Variants in ASAH2 observed in about 807,000 individuals in gnomAD.
The protein encoded by ASAH2 is N-acylsphingosine amidohydrolase 2, also known as neutral ceramidase.
Under a neutral mutation model 82.9 loss-of-function variants are expected in ASAH2, and 58 were observed. That is an observed-to-expected ratio of 0.70 (90% CI 0.57 to 0.87). ASAH2 has a LOEUF of 0.87. Among genes scored for constraint, ASAH2 ranks in the 40% least tolerant of loss-of-function variants. The pLI, the probability that ASAH2 is intolerant of heterozygous loss-of-function variation, is 0.00. For synonymous variants in ASAH2, 276 were observed against 289.7 expected, an observed-to-expected ratio of 0.95 and a Z score of 0.48; for missense variants, 779 against 834.0, an observed-to-expected ratio of 0.93 and a Z score of 0.81.
At chr10:50,239,828 ATTTTT>A (rs1208518684) in intron 4 of ASAH2, among the ~76,000 whole-genome samples, 4 of 120,644 alleles carry the variant, frequency 3.3e-5, no homozygotes, top group Non-Finnish European at 5.0e-5. Flanking sequence ...CTCACATTTA[ATTTTT>A]TTTTTTTTTT....
chr10:50,243,365 G>C lies in ASAH2; in HGVS notation c.361-14C>G, dbSNP rs1846359165. ...GCCATAGCCCATCTAAAGAGGAAGA[G>C]ACAATCAGAGCTGCTCTGTCTCATT... is the stretch of plus-strand genomic sequence containing the variant. On this transcript the variant is annotated splice_polypyrimidine_tract_variant and intron_variant, in intron 3 of 20. Coordinates refer to ENST00000682911, the MANE Select transcript of ASAH2 (RefSeq NM_019893.4). The C allele has an allele frequency of 1.2e-6, 2 of 1,613,596 alleles. No homozygotes were observed. Among genetic ancestry groups the C allele is most frequent in the Non-Finnish European group, 1.7e-6 (2 of 1,179,712 alleles).
rs61735431 is a variant in ASAH2 at position 50,202,868 on chromosome 10, G to A, written c.1722C>T (p.Asn574=). Residue 574 remains asparagine (N), a synonymous_variant, in exon 16 of 21, where the codon AAC becomes AAT. Coordinates refer to ENST00000682911, the MANE Select transcript of ASAH2 (RefSeq NM_019893.4). ...AAGTGGTAATGTAATGTGTATAGAC[G>A]TTGCATAGACCTGAAATAACAACAG... ...NMTVVISGLC[N]VYTHYITTYE... 1.4e-3 allele frequency: 2,261 copies of A among 1,611,720 alleles called. 32 individuals are homozygous for A. In the African/African-American group the frequency reaches 0.027, roughly 19 times the overall value.
intron 16 of ASAH2, 132 bp from the exon 17 acceptor site, chr10:50,199,278 G>T: frequency 2.3e-6 from 2 of 884,598 alleles, no homozygotes; most frequent in Non-Finnish European, 3.7e-6. Flanking sequence ...TCAAGATTAT[G>T]TATGACAAAA....
chr10:50,234,309 G>T, intron 6 of ASAH2, 116 bp downstream of exon 6: 4 of 1,406,824 alleles, frequency 2.8e-6, no homozygotes, highest in Non-Finnish European at 4.0e-6. Context: ...AGATATCATA[G>T]CTGTAATACT....
At chr10:50,241,357 T>A (rs1260972831) in intron 4 of ASAH2, among the ~76,000 whole-genome samples, 2 of 152,228 alleles carry the variant, frequency 1.3e-5, no homozygotes, top group African/African-American at 2.4e-5. Context: ...TGGTTAATTA[T>A]AGCTAACTGT....
chr10:50,206,016 T>C lies in ASAH2; in HGVS notation c.1496A>G (p.His499Arg), dbSNP rs1421096273. The change falls in exon 13 of 21, where the codon CAT becomes CGT. Residue 499 changes from histidine (H) to arginine (R), a missense_variant. By Grantham distance (29) the His-to-Arg change is conservative. Transcript: ENST00000682911. ...GKPSEEIKECHKPKPILLHTG... is the reference protein window; with the variant it reads ...GKPSEEIKECRKPKPILLHTG... ...GTGAAGAAGGATGGGCTTTGGTTTATGACATTCTTTAATTTCTTCAGATGG... is the reference window on the plus strand; with the variant it reads ...GTGAAGAAGGATGGGCTTTGGTTTACGACATTCTTTAATTTCTTCAGATGG... 1.7e-5 allele frequency: 27 copies of C among 1,612,596 alleles called. No individual in the cohort carries two copies. The South Asian group carries it at 2.2e-4, about 13-fold the overall frequency.
At chr10:50,211,338 G>A (rs1475813480) in intron 10 of ASAH2, among the ~76,000 whole-genome samples, 2 of 152,090 alleles carry the variant, frequency 1.3e-5, no homozygotes, top group Non-Finnish European at 2.9e-5. Context: ...TGAAGTCTCC[G>A]AGGCTGTTGA....
chr10:50,248,353 A>T, intron 2 of ASAH2, 131 bp downstream of exon 2: 1 of 1,117,198 alleles, frequency 9.0e-7, no homozygotes, highest in Non-Finnish European at 1.3e-6. Context: ...GCAAAGGGAG[A>T]CGGCTATTCC....
At position 50,211,059 on chromosome 10, in the gene ASAH2, C is replaced by A; in HGVS notation, c.1303G>T (p.Val435Leu). The A allele has an allele frequency of 6.2e-7, 1 of 1,613,630 alleles. No homozygotes were observed. Among genetic ancestry groups the A allele is most frequent in the Non-Finnish European group, 8.5e-7 (1 of 1,179,608 alleles). Reference sequence around the variant, plus strand: ...TGTGTGGAATTGAGCCAGACAGTCACATCTGTCATATCCACCCACTGGTGT... The same window carrying A: ...TGTGTGGAATTGAGCCAGACAGTCAAATCTGTCATATCCACCCACTGGTGT... The part of the protein sequence containing the change: ...SAHQWVDMTD[V>L]TVWLNSTHAS... Residue 435 changes from valine to leucine, a missense_variant, in exon 11 of 21, where the codon GTG becomes TTG. Around this residue, in one of 3 missense-constraint regions of ASAH2, gnomAD observed 759 missense variants for 755.2 expected, o/e 1.00. Coordinates refer to ENST00000682911, the MANE Select transcript of ASAH2 (RefSeq NM_019893.4).
chr10:50,234,522 G>T lies in ASAH2; in HGVS notation c.718C>A (p.Pro240Thr). The T allele has an allele frequency of 6.2e-7, 1 of 1,612,870 alleles. No individual in the cohort carries two copies. The highest frequency in any genetic ancestry group is 1.3e-5 in the African/African-American group (1 of 74,908). Residue 240 changes from proline to threonine, a missense_variant, in exon 6 of 21, where the codon CCA (proline) becomes ACA (threonine). Pro to Thr is a conservative substitution (Grantham distance 38). This residue lies in a region of ASAH2 where 759 missense variants were observed against 755.2 expected (regional missense o/e 1.00). Coordinates refer to ENST00000682911, the MANE Select transcript of ASAH2 (RefSeq NM_019893.4). ...SIDIAHTNMK[P>T]GKIFINKGNV... Reference sequence around the variant, plus strand: ...CCTTTATTGATGAAGATTTTGCCTGGTTTCATATTTGTGTGTGCTATGTCA... The same window carrying T: ...CCTTTATTGATGAAGATTTTGCCTGTTTTCATATTTGTGTGTGCTATGTCA...
At chr10:50,225,488 C>T (rs1485132799) in intron 7 of ASAH2, among the ~76,000 whole-genome samples, 4 of 152,080 alleles carry the variant, frequency 2.6e-5, no homozygotes, top group African/African-American at 9.7e-5. Flanking sequence ...CAGGAAATGG[C>T]CAATAGACTA....
chr10:50,245,442 T>C lies in ASAH2; in HGVS notation c.140A>G (p.His47Arg). The change falls in exon 3 of 21, where the codon CAT becomes CGT. Residue 47 changes from histidine to arginine, a missense_variant. By Grantham distance (29) the His-to-Arg change is conservative. This residue lies in a region of ASAH2 where 759 missense variants were observed against 755.2 expected (regional missense o/e 1.00). Transcript: ENST00000682911. ...AGGGCTTTGGGTGGTTGAAAAAAAA[T>C]GGCCTCCTAAATCTAAAACAGAATA... is the stretch of plus-strand genomic sequence containing the variant. Reference protein sequence around the residue: ...TIENHKDLGGHFFSTTQSPPA... With the variant: ...TIENHKDLGGRFFSTTQSPPA... 1.2e-6 allele frequency: 2 copies of C among 1,612,712 alleles called. No homozygotes were observed. The highest frequency in any genetic ancestry group is 1.7e-6 in the Non-Finnish European group (2 of 1,179,412).
At chr10:50,231,457 A>G (rs1456805440) in intron 7 of ASAH2, among the ~76,000 whole-genome samples, 1 of 152,116 alleles carries the variant, frequency 6.6e-6, no homozygotes, top group Non-Finnish European at 1.5e-5. Context: ...CCACAGCATT[A>G]TTTATGCCCA....
intron 9 of ASAH2, among the ~76,000 whole-genome samples, chr10:50,214,048 T>C (rs1845532780): frequency 6.6e-6 from 1 of 152,176 alleles, no homozygotes; most frequent in Non-Finnish European, 1.5e-5. Context: ...TAACTTGCTG[T>C]CTTTAAAACA....
intron 8 of ASAH2, among the ~76,000 whole-genome samples, chr10:50,215,898 C>A (rs1405440137): frequency 6.6e-6 from 1 of 152,048 alleles, no homozygotes; most frequent in South Asian, 2.1e-4. Context: ...ATAGCAAAGA[C>A]CTGGAACCAA....
intron 18 of ASAH2, among the ~76,000 whole-genome samples, chr10:50,193,538 C>T (rs1844897072): frequency 6.6e-6 from 1 of 151,412 alleles, no homozygotes; most frequent in Non-Finnish European, 1.5e-5. Flanking sequence ...GAACAGTCCC[C>T]AGGCTCATAG....
intron 16 of ASAH2, among the ~76,000 whole-genome samples, chr10:50,200,855 A>C (rs1351221436): frequency 6.6e-6 from 1 of 152,128 alleles, no homozygotes; most frequent in Non-Finnish European, 1.5e-5. Flanking sequence ...GTTCCCTGGC[A>C]AAGGCCCCAC....
chr10:50,218,779 G>C (rs1845674684), intron 7 of ASAH2, 149 bp from the exon 8 acceptor site: 2 of 889,444 alleles, frequency 2.2e-6, no homozygotes, highest in Non-Finnish European at 3.6e-6. Flanking sequence ...TTGTTCATGG[G>C]CTTAAAAATA....
At chr10:50,220,697 T>C (rs2133214545) in intron 7 of ASAH2, among the ~76,000 whole-genome samples, 1 of 152,140 alleles carries the variant, frequency 6.6e-6, no homozygotes, top group Non-Finnish European at 1.5e-5. Context: ...GGCGATGAAA[T>C]AATCTGTACA....
Sources: allele counts gnomAD v4.1 joint callset (sites outside exome capture counted in the v4.1 genomes callset), GRCh38; gene constraint gnomAD v4.1.1; regional missense constraint gnomAD v4.1.1; transcripts MANE v1.5; gene names NCBI Gene and HGNC (gene_info 2026-07-23, HGNC 2026-07-21).